The following UGT1A10 variants were observed in gnomAD, a reference collection of about 807,000 sequenced individuals.
UGT1A10 encodes UDP-glucuronosyltransferase 1A10.
Under a neutral mutation model 45.8 loss-of-function variants are expected in UGT1A10, and 49 were observed. The observed-to-expected ratio is 1.07, with a 90% CI of 0.85 to 1.36. UGT1A10 has a LOEUF of 1.36. UGT1A10 is among the 40% of genes most tolerant of loss of function. The pLI, the probability that UGT1A10 is intolerant of heterozygous loss-of-function variation, is 0.00. For missense variants in UGT1A10, 745 were observed against 668.6 expected, an observed-to-expected ratio of 1.11 and a Z score of -1.26; for synonymous variants, 284 against 249.7, an observed-to-expected ratio of 1.14 and a Z score of -1.29.
At position 233,672,458 on chromosome 2, in the gene UGT1A10, A is replaced by G. The variant is rs754827067; in HGVS notation, c.855+35081A>G. The G allele has an allele frequency of 2.0e-5, 32 of 1,613,800 alleles. No individual in the cohort carries two copies. In the South Asian group the frequency reaches 3.2e-4, roughly 16 times the overall value. ...GTCTTCGCCAGGGGAATACTTTGCC[A>G]CTATCTTGAAGAAGGTGCACAGTGC... On this transcript the variant is annotated intron_variant, in intron 1 of 4. Transcript: ENST00000344644.
rs1265281323 is a variant in UGT1A10 at position 233,636,551 on chromosome 2, T to C, written c.29T>C (p.Val10Ala). The change falls in exon 1 of 5, where the codon GTT (valine) becomes GCT (alanine). Residue 10 changes from valine (V) to alanine (A), a missense_variant. Coordinates refer to ENST00000344644, the MANE Select transcript of UGT1A10 (RefSeq NM_019075.4). ...GCTCGCGCAGGGTGGACCAGCCCCG[T>C]TCCTTTATGTGTGTGTCTACTGCTG... MARAGWTSP[V>A]PLCVCLLLTC... 18 of 1,613,948 alleles carry C rather than the reference T, an allele frequency of 1.1e-5. No homozygotes were observed. The highest frequency in any genetic ancestry group is 1.5e-5 in the Non-Finnish European group (18 of 1,179,992).
chr2:233,745,619 A>G (rs976825900), intron 1 of UGT1A10, among the ~76,000 whole-genome samples: 4 of 151,618 alleles, frequency 2.6e-5, no homozygotes, highest in Non-Finnish European at 5.9e-5. Context: ...CACACAATGA[A>G]CAGTCATAGA....
intron 1 of UGT1A10, chr2:233,754,765 T>C (rs1277866100): frequency 2.0e-6 from 2 of 992,196 alleles, no homozygotes; most frequent in African/African-American, 1.7e-5. Context: ...AGGCCCCCAC[T>C]TCCCAGGGAG....
intron 1 of UGT1A10, among the ~76,000 whole-genome samples, chr2:233,671,053 G>A (rs1320072969): frequency 6.6e-6 from 1 of 152,164 alleles, no homozygotes; most frequent in Admixed American, 6.6e-5. Flanking sequence ...CATAGCATGG[G>A]TACTGTGAAA....
chr2:233,756,397 G>A (rs553407927), intron 1 of UGT1A10: 1 of 151,974 alleles, frequency 6.6e-6, no homozygotes, highest in South Asian at 2.1e-4. Flanking sequence ...TACAGTATTG[G>A]TTTTTTATTT....
intron 1 of UGT1A10, chr2:233,672,579 G>A: frequency 6.2e-7 from 1 of 1,613,876 alleles, no homozygotes; most frequent in South Asian, 1.1e-5. Flanking sequence ...TGCACTTGGA[G>A]GAACATTTAT....
intron 1 of UGT1A10, among the ~76,000 whole-genome samples, chr2:233,703,849 A>G (rs1436241192): frequency 6.6e-6 from 1 of 151,928 alleles, no homozygotes; most frequent in Non-Finnish European, 1.5e-5. Context: ...CACATTTAAT[A>G]CTATTATTGA....
chr2:233,711,814 G>A (rs1262111547), intron 1 of UGT1A10, among the ~76,000 whole-genome samples: 2 of 152,206 alleles, frequency 1.3e-5, no homozygotes, highest in African/African-American at 4.8e-5. Context: ...CATCATCCTG[G>A]GGCGACCAGG....
At chr2:233,772,225 G>A in intron 4 of UGT1A10, 37 bp from the exon 5 acceptor site, 2 of 1,613,382 alleles carry the variant, frequency 1.2e-6, no homozygotes, top group Non-Finnish European at 1.7e-6. Flanking sequence ...TCATACCACA[G>A]GTGTTCCAGG....
chr2:233,664,704 C>G (rs781466445), intron 1 of UGT1A10, among the ~76,000 whole-genome samples: 1 of 152,182 alleles, frequency 6.6e-6, no homozygotes, highest in Non-Finnish European at 1.5e-5. Context: ...GGGATCCACC[C>G]CCATGATCCA....
chr2:233,688,240 G>C lies in UGT1A10; in HGVS notation c.855+50863G>C, dbSNP rs546662065. ...CTTATCCATGTTGTAGCATGAATCA[G>C]TATTTCATTCCTTTACATGGCCGAA... On this transcript the variant is annotated intron_variant, in intron 1 of 4. Coordinates refer to ENST00000344644, the MANE Select transcript of UGT1A10 (RefSeq NM_019075.4). 9.8e-5 allele frequency among the ~76,000 whole-genome samples: 15 copies of C among 152,328 alleles called. No individual in the cohort carries two copies. In the South Asian group the frequency reaches 3.1e-3, roughly 32 times the overall value.
At chr2:233,742,280 A>G (rs1486280024) in intron 1 of UGT1A10, among the ~76,000 whole-genome samples, 2 of 152,020 alleles carry the variant, frequency 1.3e-5, no homozygotes, top group Non-Finnish European at 2.9e-5. Flanking sequence ...GATAAGCATC[A>G]TTTCTATAGA....
At chr2:233,704,011 C>T (rs1236520460) in intron 1 of UGT1A10, among the ~76,000 whole-genome samples, 1 of 152,002 alleles carries the variant, frequency 6.6e-6, no homozygotes, top group African/African-American at 2.4e-5. Flanking sequence ...CCACCTCAGC[C>T]GCCCGAGCAG....
At position 233,641,893 on chromosome 2, in the gene UGT1A10, T is replaced by C. The variant is rs540879180; in HGVS notation, c.855+4516T>C. ...GCTGCCAGATGTATTGGAACTCCAT[T>C]GTTTGTTATTTATCTCTTCTCTTGC... On this transcript the variant is annotated intron_variant, in intron 1 of 4. Transcript: ENST00000344644. 4.9e-4 allele frequency among the ~76,000 whole-genome samples: 74 copies of C among 152,188 alleles called. 1 individual carries two copies. The highest frequency in any genetic ancestry group is 3.4e-3 in the Middle Eastern group (1 of 294).
At chr2:233,751,152 G>T (rs1694652317) in intron 1 of UGT1A10, among the ~76,000 whole-genome samples, 1 of 151,956 alleles carries the variant, frequency 6.6e-6, no homozygotes, top group Non-Finnish European at 1.5e-5. Flanking sequence ...GCCCACTTCT[G>T]GCATCAGCAT....
rs45547931 is a variant in UGT1A10 at position 233,729,802 on chromosome 2, G to A, written c.856-37232G>A. ...TCTGGCCCTGTCCTACATTTGCCAT[G>A]CTTTTTCTGCTCCTTATGCAAGCCT... On this transcript the variant is annotated intron_variant, in intron 1 of 4. Transcript: ENST00000344644. 1.3e-5 allele frequency: 21 copies of A among 1,613,942 alleles called. No homozygotes were observed. The East Asian group carries it at 3.8e-4, about 29-fold the overall frequency.
In UGT1A10 at chr2:233,769,673, G is replaced by A; in HGVS notation, c.1295+1234G>A. 1.3e-6 allele frequency: 2 copies of A among 1,580,578 alleles called. No individual in the cohort carries two copies. The highest frequency in any genetic ancestry group is 1.1e-5 in the South Asian group (1 of 86,980). On this transcript the variant is annotated intron_variant, in intron 4 of 4. Transcript: ENST00000344644. The surrounding 1 kb of genome is among the most constrained non-coding windows in gnomAD (Gnocchi z 4.4). ...GACTTCCCACCTTTGAGGTGCTAAT[G>A]TGTGTGTGGTGGCACTGGATAAAAG...
intron 1 of UGT1A10, among the ~76,000 whole-genome samples, chr2:233,675,014 T>C (rs2074305264): frequency 6.6e-6 from 1 of 152,200 alleles, no homozygotes; most frequent in Admixed American, 6.5e-5. Flanking sequence ...CATTACTTGA[T>C]GATGGAGTAT....
intron 1 of UGT1A10, among the ~76,000 whole-genome samples, chr2:233,650,916 A>G (rs572780336): frequency 5.9e-5 from 9 of 152,336 alleles, no homozygotes; most frequent in Non-Finnish European, 1.3e-4. Flanking sequence ...GCAATGGACC[A>G]TGCAATTTTG....
Sources: gnomAD v4.1 joint callset for allele counts (sites outside exome capture counted in the v4.1 genomes callset) on GRCh38, gnomAD v4.1.1 for gene constraint, Gnocchi (gnomAD v3.1) non-coding constraint, MANE v1.5 for transcripts, NCBI Gene and HGNC (gene_info 2026-07-23, HGNC 2026-07-21) for gene names.